TP53BP1: variants seen among roughly 807,000 people sequenced by gnomAD.
TP53BP1 encodes tumor protein p53 binding protein 1.
In TP53BP1, 61 loss-of-function variants were observed where a neutral mutation model predicts 200.8. The ratio of observed to expected loss-of-function variants is 0.30; its 90% CI spans 0.25 to 0.38. The LOEUF is 0.38. TP53BP1 is among the 10% of genes least tolerant of loss of function. The probability of loss-of-function intolerance (pLI) is 1.00; values close to 1 mark genes in which losing one functional copy is unlikely to be tolerated. For missense variants in TP53BP1, 2,144 were observed against 2,371.9 expected (o/e 0.90, Z 2.00); for synonymous variants, 822 against 844.3 (o/e 0.97, Z 0.46).
At chr15:43,421,567 T>G (rs1595532876) in intron 19 of TP53BP1, 2 of 527,146 alleles carry the variant, frequency 3.8e-6, no homozygotes, top group East Asian at 6.6e-5. Flanking sequence ...ATATAAAGGC[T>G]GTGGTAGAAG....
At chr15:43,508,743 T>C (rs2079252246) in intron 1 of TP53BP1, among the ~76,000 whole-genome samples, 1 of 152,206 alleles carries the variant, frequency 6.6e-6, no homozygotes, top group South Asian at 2.1e-4. Context: ...CAGACACCTA[T>C]AGCCAATCTT....
At chr15:43,441,411 GA>G in intron 15 of TP53BP1, 114 bp downstream of exon 15, 1 of 751,434 alleles carries the variant, frequency 1.3e-6, no homozygotes, top group Non-Finnish European at 2.4e-6. Flanking sequence ...AATCCTTTAT[GA>G]AAGAGTCTCA....
chr15:43,477,479 A>G (rs2078901375), intron 8 of TP53BP1, 114 bp downstream of exon 8: 2 of 1,046,894 alleles, frequency 1.9e-6, no homozygotes, highest in Admixed American at 5.5e-5. Context: ...CTTCCATATC[A>G]CAAACAAGTC....
In TP53BP1 at chr15:43,406,359, C is replaced by G. The variant is rs947954900; in HGVS notation, c.*1024G>C. 7.3e-5 allele frequency: 23 copies of G among 315,066 alleles called. No homozygotes were observed. Among genetic ancestry groups the G allele is most frequent in the Non-Finnish European group, 4.4e-5 (7 of 159,012 alleles). 19.5% of individuals were successfully genotyped at this position (315,066 alleles called of 1,614,324 possible). On this transcript the variant is annotated 3_prime_UTR_variant, in exon 28 of 28. Coordinates refer to ENST00000382044, the MANE Select transcript of TP53BP1 (RefSeq NM_001141980.3). ...CATATTCTACACACACTGGGAAGCTCTGACAACTTATTCCCTGCTATTATC... is the reference window on the plus strand; with the variant it reads ...CATATTCTACACACACTGGGAAGCTGTGACAACTTATTCCCTGCTATTATC...
At chr15:43,474,109 C>T (rs1469284209) in intron 10 of TP53BP1, among the ~76,000 whole-genome samples, 3 of 152,194 alleles carry the variant, frequency 2.0e-5, no homozygotes, top group Non-Finnish European at 4.4e-5. Flanking sequence ...CCTCCATAGC[C>T]GCTGGCCCGG....
At chr15:43,432,036 A>G (rs1003514631) in intron 17 of TP53BP1, among the ~76,000 whole-genome samples, 158 bp downstream of exon 17, 4 of 152,202 alleles carry the variant, frequency 2.6e-5, no homozygotes, top group African/African-American at 9.6e-5. Context: ...TTTCACTACC[A>G]TATCTGTATC....
Position 43,456,167 on chromosome 15 carries a change from C to A in TP53BP1, c.2441G>T (p.Ser814Ile), listed in dbSNP as rs748537441. The A allele has an allele frequency of 6.2e-7, 1 of 1,614,198 alleles. No individual in the cohort carries two copies. Among genetic ancestry groups the A allele is most frequent in the South Asian group, 1.1e-5 (1 of 91,088 alleles). The change falls in exon 12 of 28, where the codon AGT becomes ATT. Residue 814 changes from serine (S) to isoleucine (I), a missense_variant. By Grantham distance (142) the Ser-to-Ile change is moderately radical. This residue lies in a region of TP53BP1 where 1,700 missense variants were observed against 1,710.3 expected (regional missense o/e 0.99). Transcript: ENST00000382044. ...TTTCAGATCTCCTTCATATTCTACA[C>A]TCTTTTCTTCCTTGGTGTCTAATCT... ...ENRLDTKEEK[S>I]VEYEGDLKSG...
Position 43,407,536 on chromosome 15 carries a change from C to T in TP53BP1, c.5781G>A (p.Thr1927=), listed in dbSNP as rs145249471. 5.8e-5 allele frequency: 94 copies of T among 1,614,058 alleles called. No individual in the cohort carries two copies. Among genetic ancestry groups the T allele is most frequent in the Middle Eastern group, 3.3e-4 (2 of 6,060 alleles). The change falls in exon 28 of 28, where the codon ACG becomes ACA. Residue 1927 remains threonine (T), a synonymous_variant. Coordinates refer to ENST00000382044, the MANE Select transcript of TP53BP1 (RefSeq NM_001141980.3). ...GCACCGAGGCTGGGCATGAGGGGTC[C>T]GTCACCACCACATCAAATACCCCTA... ...IALGVFDVVV[T]DPSCPASVLK...
At position 43,414,243 on chromosome 15, in the gene TP53BP1, T is replaced by C. The variant is rs115317170; in HGVS notation, c.5090-909A>G. On this transcript the variant is annotated intron_variant, in intron 23 of 27. Transcript: ENST00000382044. ...GCTTACTTTGTCATCTTGGGAAAGT[T>C]AGCCAACTTTTCTGTGCCTCAAAGT... 1,054 of 405,550 alleles carry C rather than the reference T, an allele frequency of 2.6e-3. 18 individuals carry two copies. Among genetic ancestry groups the C allele is most frequent in the African/African-American group, 0.021 (982 of 47,896 alleles). 25.1% of individuals were successfully genotyped at this position (405,550 alleles called of 1,614,324 possible).
At chr15:43,470,611 T>C (rs1219378929) in intron 10 of TP53BP1, among the ~76,000 whole-genome samples, 1 of 152,162 alleles carries the variant, frequency 6.6e-6, no homozygotes, top group Non-Finnish European at 1.5e-5. Context: ...TCAGCACTGA[T>C]TTATCAAAGA....
Position 43,457,367 on chromosome 15 carries a change from A to G in TP53BP1, c.1390-149T>C. 3 of 793,628 alleles carry G rather than the reference A, an allele frequency of 3.8e-6. No individual in the cohort carries two copies. The South Asian group carries it at 6.5e-5, about 17-fold the overall frequency. The allele number at this position is 793,628 out of a possible 1,614,324, so 49.2% of individuals were successfully genotyped here. On this transcript the variant is annotated intron_variant, in intron 11 of 27. Coordinates refer to ENST00000382044, the MANE Select transcript of TP53BP1 (RefSeq NM_001141980.3). ...TAAAATTTCTAAATCAAATTTAAGA[A>G]TTAAAGAACTCTAGTATAGCCAGGA...
chr15:43,444,146 T>G (rs2045990061), intron 14 of TP53BP1, among the ~76,000 whole-genome samples: 1 of 152,250 alleles, frequency 6.6e-6, no homozygotes, highest in Non-Finnish European at 1.5e-5. Flanking sequence ...ACTATGCTCC[T>G]GGTATTAGGA....
At chr15:43,425,437 C>T (rs1199610954) in intron 18 of TP53BP1, among the ~76,000 whole-genome samples, 1 of 152,124 alleles carries the variant, frequency 6.6e-6, no homozygotes, top group African/African-American at 2.4e-5. Flanking sequence ...GTCTGGGCAA[C>T]ACAGTGAAAC....
chr15:43,472,694 A>G (rs1464597256), intron 10 of TP53BP1, among the ~76,000 whole-genome samples: 2 of 152,274 alleles, frequency 1.3e-5, no homozygotes, highest in African/African-American at 4.8e-5. Context: ...GCTAGAAACA[A>G]GTAGGCCATT....
intron 10 of TP53BP1, among the ~76,000 whole-genome samples, chr15:43,473,456 A>C (rs1365466701): frequency 6.6e-6 from 1 of 151,972 alleles, no homozygotes; most frequent in Non-Finnish European, 1.5e-5. Flanking sequence ...AGGTTCTCCA[A>C]GGCCCCACCA....
chr15:43,472,225 C>G (rs1319852731), intron 10 of TP53BP1, among the ~76,000 whole-genome samples: 2 of 152,174 alleles, frequency 1.3e-5, no homozygotes, highest in African/African-American at 2.4e-5. Flanking sequence ...AAAAATAACA[C>G]CTCCTTCTTA....
chr15:43,475,796 T>A, intron 8 of TP53BP1, 102 bp from the exon 9 acceptor site: 2 of 1,372,768 alleles, frequency 1.5e-6, no homozygotes, highest in Non-Finnish European at 2.0e-6. Context: ...TCCAACATAT[T>A]TCCATATTTC....
intron 1 of TP53BP1, among the ~76,000 whole-genome samples, chr15:43,506,330 C>T (rs1383834675): frequency 1.3e-5 from 2 of 152,168 alleles, no homozygotes; most frequent in Non-Finnish European, 2.9e-5. Context: ...TAAGAGTGTG[C>T]TTAATTTACC....
chr15:43,441,267 A>AG, intron 15 of TP53BP1: 1 of 336,340 alleles, frequency 3.0e-6, no homozygotes, highest in East Asian at 5.2e-5. Flanking sequence ...AACAGAAAAA[A>AG]GGGGGGAAAG....
Sources: gnomAD v4.1 joint callset for allele counts (sites outside exome capture counted in the v4.1 genomes callset) on GRCh38, gnomAD v4.1.1 for gene constraint, gnomAD v4.1.1 regional missense constraint, MANE v1.5 for transcripts, NCBI Gene and HGNC (gene_info 2026-07-23, HGNC 2026-07-21) for gene names.